ZNG1F: variants seen among roughly 807,000 people sequenced by gnomAD.
ZNG1F encodes the protein Zn regulated GTPase metalloprotein activator 1F, also known as zinc-regulated GTPase metalloprotein activator 1F.
the ZNG1F span, chr9:41,165,236 C>T: frequency 0.17 from 109,525 of 643,670 alleles, 11,904 homozygotes; most frequent in Admixed American, 0.26. Context: ...TTATATAGTG[C>T]TCTATAGGAG....
chr9:41,160,454 G>A, the ZNG1F span, among the ~76,000 whole-genome samples: 2 of 59,846 alleles, frequency 3.3e-5, no homozygotes, highest in East Asian at 9.7e-4. Context: ...ACAGAGTCTC[G>A]CTCTGTCACC....
chr9:41,193,463 T>G, the ZNG1F span, among the ~76,000 whole-genome samples: 1 of 116,396 alleles, frequency 8.6e-6, no homozygotes, highest in Non-Finnish European at 2.1e-5. Context: ...AAAATCAAAC[T>G]AAAACTTTAA....
At chr9:41,165,024 T>C in the ZNG1F span, 4 of 1,588,094 alleles carry the variant, frequency 2.5e-6, 1 homozygote, top group Non-Finnish European at 1.7e-6. Flanking sequence ...TTAATTTCTT[T>C]ACATCTTCTT....
chr9:41,169,130 T>C, the ZNG1F span, among the ~76,000 whole-genome samples: 14 of 149,260 alleles, frequency 9.4e-5, no homozygotes, highest in Non-Finnish European at 1.9e-4. Context: ...AGGAAAGCTA[T>C]ACAAACATTT....
the ZNG1F span, chr9:41,183,701 C>A: frequency 6.2e-7 from 1 of 1,606,130 alleles, no homozygotes; most frequent in East Asian, 2.3e-5. Flanking sequence ...AACTCTTTAG[C>A]TTATGTCCAT....
chr9:41,204,876 A>G, the ZNG1F span, among the ~76,000 whole-genome samples: 1 of 146,790 alleles, frequency 6.8e-6, no homozygotes, highest in African/African-American at 2.5e-5. Context: ...CCTGAAATTA[A>G]TAATTTTATG....
At chr9:41,173,760 C>A in the ZNG1F span, among the ~76,000 whole-genome samples, 3 of 121,096 alleles carry the variant, frequency 2.5e-5, no homozygotes, top group Non-Finnish European at 3.6e-5. Context: ...AGTGGAAGCA[C>A]TAAATTGGAA....
chr9:41,171,970 AC>A, the ZNG1F span: 305 of 141,030 alleles, frequency 2.2e-3, no homozygotes, highest in Non-Finnish European at 3.3e-3. Context: ...ACTGTATGTA[AC>A]AACATACTTT....
chr9:41,203,106 G>T, the ZNG1F span, among the ~76,000 whole-genome samples: 51 of 152,356 alleles, frequency 3.3e-4, no homozygotes, highest in East Asian at 9.3e-3. Flanking sequence ...AGTTGATGTT[G>T]CATCCTTCTC....
At chr9:41,137,298 G>T in the ZNG1F span, among the ~76,000 whole-genome samples, 1 of 148,108 alleles carries the variant, frequency 6.8e-6, no homozygotes, top group African/African-American at 2.5e-5. Context: ...TCCTTTTGGA[G>T]TTGATTTCCA....
At chr9:41,183,486 A>G in the ZNG1F span, 6 of 1,403,024 alleles carry the variant, frequency 4.3e-6, 1 homozygote, top group Non-Finnish European at 5.7e-6. Context: ...CAGTTAAATT[A>G]CTCAAGAAAA....
At chr9:41,193,298 TATA>T in the ZNG1F span, among the ~76,000 whole-genome samples, 1 of 134,906 alleles carries the variant, frequency 7.4e-6, no homozygotes, top group Non-Finnish European at 1.6e-5. Context: ...TAGGTACTTA[TATA>T]ATAAGAGAGA....
chr9:41,192,686 C>G, the ZNG1F span, among the ~76,000 whole-genome samples: 2 of 136,066 alleles, frequency 1.5e-5, no homozygotes, highest in African/African-American at 5.5e-5. Flanking sequence ...GTTAGCCAGG[C>G]TGGTCTTGAA....
chr9:41,155,896 G>C, the ZNG1F span, among the ~76,000 whole-genome samples: 1 of 136,338 alleles, frequency 7.3e-6, no homozygotes, highest in Non-Finnish European at 1.6e-5. Context: ...TGACGAGTTA[G>C]TGGGTGTAGC....
the ZNG1F span, among the ~76,000 whole-genome samples, chr9:41,200,731 G>A: frequency 6.5e-3 from 972 of 148,568 alleles, no homozygotes; most frequent in East Asian, 0.017. Context: ...ACATGGCTGG[G>A]GAGGCCTCAC....
the ZNG1F span, among the ~76,000 whole-genome samples, chr9:41,193,037 C>T: frequency 5.4e-5 from 8 of 149,106 alleles, no homozygotes; most frequent in Non-Finnish European, 1.0e-4. Flanking sequence ...ATGCATTATC[C>T]CATTTAACTC....
At chr9:41,170,705 C>A in the ZNG1F span, among the ~76,000 whole-genome samples, 2 of 5,682 alleles carry the variant, frequency 3.5e-4, 1 homozygote, top group African/African-American at 3.7e-4. Flanking sequence ...TTGGAAAATT[C>A]TTTATATCAA....
the ZNG1F span, among the ~76,000 whole-genome samples, chr9:41,154,763 C>T: frequency 2.0e-5 from 3 of 150,268 alleles, 1 homozygote; most frequent in Non-Finnish European, 3.0e-5. Context: ...GAAAGATTCC[C>T]TATTTAATAA....
chr9:41,154,805 C>G, the ZNG1F span, among the ~76,000 whole-genome samples: 1 of 149,980 alleles, frequency 6.7e-6, no homozygotes, highest in African/African-American at 2.5e-5. Flanking sequence ...AGCCATATGT[C>G]GAAAGCTGAA....
Sources: gnomAD v4.1 joint callset for allele counts (sites outside exome capture counted in the v4.1 genomes callset) on GRCh38, gnomAD v4.1.1 for gene constraint, MANE v1.5 for transcripts, NCBI Gene and HGNC (gene_info 2026-07-23, HGNC 2026-07-21) for gene names.